PRB2: variants seen among roughly 807,000 people sequenced by gnomAD.
PRB2 encodes proline rich protein BstNI subfamily 2.
In PRB2, 12 loss-of-function variants were observed where a neutral mutation model predicts 8.3. That is an observed-to-expected ratio of 1.45 (90% CI 0.93 to 2.35). The LOEUF is 2.35. Among genes scored for constraint, PRB2 ranks in the 30% most tolerant of loss-of-function variants. The pLI is 0.00. For missense variants in PRB2, 470 were observed against 507.0 expected, an observed-to-expected ratio of 0.93 and a Z score of 0.70; for synonymous variants, 146 against 180.0, an observed-to-expected ratio of 0.81 and a Z score of 1.51.
At chr12:11,394,459 A>C (rs1565418728) in intron 2 of PRB2, 36 bp downstream of exon 2, 1 of 1,605,390 alleles carries the variant, frequency 6.2e-7, no homozygotes, top group Admixed American at 1.7e-5. Flanking sequence ...GCAGAAAAAG[A>C]CAGTCAGAAC....
intron 2 of PRB2, 111 bp from the exon 3 acceptor site, chr12:11,394,088 A>G (rs569336466): frequency 2.1e-6 from 3 of 1,410,382 alleles, no homozygotes; most frequent in East Asian, 4.6e-5. Flanking sequence ...GGGGAAACAC[A>G]CAAAAATGAG....
rs773148009 is a variant in PRB2 at position 11,393,954 on chromosome 12, G to T, written c.124C>A (p.Gln42Lys). 1.3e-6 allele frequency: 2 copies of T among 1,588,352 alleles called. No individual in the cohort carries two copies. The highest frequency in any genetic ancestry group is 2.4e-5 in the East Asian group (1 of 42,294). ...IAGNPQGAPP[Q>K]GGNKPQGPPS... is the part of the protein sequence containing the mutation. ...GGACCTTGAGGTTTGTTGCCTCCTTGTGGGGGTGCTCCTTGTGGATTTCCT... is the reference window on the plus strand; with the variant it reads ...GGACCTTGAGGTTTGTTGCCTCCTTTTGGGGGTGCTCCTTGTGGATTTCCT... Residue 42 changes from glutamine (Q) to lysine (K), a missense_variant, in exon 3 of 4, where the codon CAA becomes AAA. Transcript: ENST00000389362.
Position 11,391,598 on chromosome 12 carries a change from A to G in PRB2, c.*84T>C, listed in dbSNP as rs1383120271. 2.3e-6 allele frequency: 1 copy of G among 437,170 alleles called. No individual in the cohort carries two copies. Among genetic ancestry groups the G allele is most frequent in the Non-Finnish European group, 4.6e-6 (1 of 219,608 alleles). 27.1% of individuals were successfully genotyped at this position (437,170 alleles called of 1,614,324 possible). On this transcript the variant is annotated 3_prime_UTR_variant, in exon 4 of 4. Transcript: ENST00000389362. ...TTAGAGCTATGATGACCTTTTTCCA[A>G]TGTCATGGCATTTGAATCATTTGAA...
intron 1 of PRB2, 119 bp from the exon 2 acceptor site, chr12:11,394,649 A>G (rs1482600567): frequency 2.0e-5 from 26 of 1,268,338 alleles, no homozygotes; most frequent in Middle Eastern, 1.9e-4. Flanking sequence ...AAGTTAACTC[A>G]TCAGCCACCA....
At chr12:11,394,262 G>C (rs554767504) in intron 2 of PRB2, among the ~76,000 whole-genome samples, 1 of 152,124 alleles carries the variant, frequency 6.6e-6, no homozygotes, top group Non-Finnish European at 1.5e-5. Context: ...TGGCCAGGGG[G>C]ATGAGGTAAC....
chr12:11,394,735 CA>C (rs1233339183), intron 1 of PRB2, among the ~76,000 whole-genome samples: 14 of 152,114 alleles, frequency 9.2e-5, no homozygotes, highest in African/African-American at 3.1e-4. Context: ...GCCATGAACT[CA>C]ACATAGAAGA....
Position 11,393,022 on chromosome 12 carries a change from T to C in PRB2, c.1056A>G (p.Gly352=), listed in dbSNP as rs1250845481. 1.2e-6 allele frequency: 2 copies of C among 1,609,456 alleles called. No homozygotes were observed. The highest frequency in any genetic ancestry group is 1.7e-6 in the Non-Finnish European group (2 of 1,178,206). ...PGKPQGPPPQ[G]GSKSRSARSP... ...ATCGGGCACTTCGGGACTTGCTGCC[T>C]CCTTGTGGGGGTGGTCCTTGTGGCT... The change falls in exon 3 of 4, where the codon GGA becomes GGG. Residue 352 remains glycine, a synonymous_variant. Coordinates refer to ENST00000389362, the MANE Select transcript of PRB2 (RefSeq NM_006248.4).
rs544316023 is a variant in PRB2 at position 11,395,441 on chromosome 12, A to G, written c.64+25T>C. ...CTCCTAAGCCCCAAGCAGAGTCACCACATCTTCTCCCCCTTCTGTTTTACC... is the reference window on the plus strand; with the variant it reads ...CTCCTAAGCCCCAAGCAGAGTCACCGCATCTTCTCCCCCTTCTGTTTTACC... On this transcript the variant is annotated intron_variant, in intron 1 of 3. Coordinates refer to ENST00000389362, the MANE Select transcript of PRB2 (RefSeq NM_006248.4). 45 of 1,613,686 alleles carry G rather than the reference A, an allele frequency of 2.8e-5. No homozygotes were observed. In the East Asian group the frequency reaches 8.9e-4, roughly 32 times the overall value.
chr12:11,394,161 G>C, intron 2 of PRB2, among the ~76,000 whole-genome samples, 184 bp from the exon 3 acceptor site: 1 of 152,168 alleles, frequency 6.6e-6, no homozygotes, highest in East Asian at 1.9e-4. Context: ...GAGCGCCAGG[G>C]AAGAACAAAG....
chr12:11,394,499 T>C lies in PRB2; in HGVS notation c.96A>G (p.Ile32Met), dbSNP rs1864377835. The stretch of plus-strand genomic sequence containing the variant: ...TGAGAATGAATCGGGATTTACCTGC[T>C]ATTAGGGAGGGAGATTCTTCCTGGC... ...DVSQEESPSL[I>M]AGNPQGAPPQ... Residue 32 changes from isoleucine (I) to methionine (M), a missense_variant, in exon 2 of 4, where the codon ATA becomes ATG. Ile to Met is a conservative substitution (Grantham distance 10, BLOSUM62 1). Coordinates refer to ENST00000389362, the MANE Select transcript of PRB2 (RefSeq NM_006248.4). The C allele has an allele frequency of 6.2e-7, 1 of 1,613,278 alleles. No homozygotes were observed. Among genetic ancestry groups the C allele is most frequent in the Non-Finnish European group, 8.5e-7 (1 of 1,179,338 alleles).
chr12:11,394,624 C>G (rs935495828), intron 1 of PRB2, 94 bp from the exon 2 acceptor site: 1 of 1,435,114 alleles, frequency 7.0e-7, no homozygotes, highest in African/African-American at 1.4e-5. Context: ...TCTCACCACA[C>G]CCCATGCATC....
In PRB2 at chr12:11,394,501, T is replaced by C. The variant is rs775239277; in HGVS notation, c.94A>G (p.Ile32Val). 2.5e-6 allele frequency: 4 copies of C among 1,613,208 alleles called. No individual in the cohort carries two copies. In the East Asian group the frequency reaches 8.9e-5, roughly 36 times the overall value. The change falls in exon 2 of 4, where the codon ATA (isoleucine) becomes GTA (valine). Residue 32 changes from isoleucine to valine, a missense_variant. Ile to Val is a conservative substitution (Grantham distance 29, BLOSUM62 3). Around this residue, in one of 4 missense-constraint regions of PRB2, gnomAD observed 211 missense variants for 207.7 expected, o/e 1.02. Coordinates refer to ENST00000389362, the MANE Select transcript of PRB2 (RefSeq NM_006248.4). Reference sequence around the variant, plus strand: ...AGAATGAATCGGGATTTACCTGCTATTAGGGAGGGAGATTCTTCCTGGCTG... The same window carrying C: ...AGAATGAATCGGGATTTACCTGCTACTAGGGAGGGAGATTCTTCCTGGCTG... ...DVSQEESPSL[I>V]AGNPQGAPPQ... is the part of the protein sequence containing the mutation.
chr12:11,393,529 T>C lies in PRB2; in HGVS notation c.549A>G (p.Pro183=). Residue 183 remains proline (P), a synonymous_variant, in exon 3 of 4, where the codon CCA becomes CCG. Transcript: ENST00000389362. ...SRSPPGKPQG[P]PPQGGNQPQG... is the part of the protein sequence containing the mutation. ...GGGGCTGGTTGCCTCCTTGTGGGGG[T>C]GGTCCTTGTGGCTTTCCTGGAGGAG... 2 of 1,570,912 alleles carry C rather than the reference T, an allele frequency of 1.3e-6. No homozygotes were observed. Among genetic ancestry groups the C allele is most frequent in the South Asian group, 2.3e-5 (2 of 88,106 alleles).
At chr12:11,394,395 T>C (rs907836781) in intron 2 of PRB2, 100 bp downstream of exon 2, 1 of 1,413,050 alleles carries the variant, frequency 7.1e-7, no homozygotes, top group South Asian at 1.2e-5. Context: ...CATTAATCAA[T>C]TCCCGAAAGG....
chr12:11,395,418 C>T (rs2136692809), intron 1 of PRB2, 48 bp downstream of exon 1: 1 of 1,611,102 alleles, frequency 6.2e-7, no homozygotes, highest in East Asian at 2.2e-5. Context: ...ATTATCACCT[C>T]CTAAGCCCCA....
chr12:11,394,647 T>G, intron 1 of PRB2, 117 bp from the exon 2 acceptor site: 1 of 1,306,362 alleles, frequency 7.7e-7, no homozygotes, highest in Non-Finnish European at 1.1e-6. Flanking sequence ...CTAAGTTAAC[T>G]CATCAGCCAC....
At chr12:11,391,979 G>A (rs1864331404) in intron 3 of PRB2, among the ~76,000 whole-genome samples, 1 of 100,808 alleles carries the variant, frequency 9.9e-6, no homozygotes, top group Non-Finnish European at 1.9e-5. Flanking sequence ...ACCACCCTCA[G>A]TGTCCAGTGA....
chr12:11,393,607 T>C lies in PRB2; in HGVS notation c.471A>G (p.Gly157=), dbSNP rs1864356030. 1 of 1,567,646 alleles carries C rather than the reference T, an allele frequency of 6.4e-7. No individual in the cohort carries two copies. Among genetic ancestry groups the C allele is most frequent in the Admixed American group, 1.8e-5 (1 of 54,830 alleles). ...CTTGTGGGGGTGGTCCTTGTGGCTT[T>C]CCTGGAGGTGGGGGACCTTGAGGTT... ...GNKPQGPPPP[G]KPQGPPPQGD... The change falls in exon 3 of 4, where the codon GGA becomes GGG. Residue 157 remains glycine (G), a synonymous_variant. Transcript: ENST00000389362.
Position 11,393,602 on chromosome 12 carries a change from G to A in PRB2, c.476C>T (p.Pro159Leu), listed in dbSNP as rs1201477778. 3.8e-6 allele frequency: 6 copies of A among 1,572,550 alleles called. No individual in the cohort carries two copies. In the South Asian group the frequency reaches 5.7e-5, roughly 15 times the overall value. Residue 159 changes from proline (P) to leucine (L), a missense_variant, in exon 3 of 4, where the codon CCA becomes CTA. Coordinates refer to ENST00000389362, the MANE Select transcript of PRB2 (RefSeq NM_006248.4). Reference protein sequence around the residue: ...KPQGPPPPGKPQGPPPQGDNK... With the variant: ...KPQGPPPPGKLQGPPPQGDNK... ...GTCTCCTTGTGGGGGTGGTCCTTGTGGCTTTCCTGGAGGTGGGGGACCTTG... is the reference window on the plus strand; with the variant it reads ...GTCTCCTTGTGGGGGTGGTCCTTGTAGCTTTCCTGGAGGTGGGGGACCTTG...
Sources: allele counts gnomAD v4.1 joint callset (sites outside exome capture counted in the v4.1 genomes callset), GRCh38; gene constraint gnomAD v4.1.1; regional missense constraint gnomAD v4.1.1; transcripts MANE v1.5; gene names NCBI Gene and HGNC (gene_info 2026-07-23, HGNC 2026-07-21).